Variants in NRCAM observed in about 807,000 individuals in gnomAD.
NRCAM encodes the protein NgCAM-related cell adhesion molecule.
NRCAM carries 83 observed loss-of-function variants against 156.5 expected under a neutral mutation model. The ratio of observed to expected loss-of-function variants is 0.53; its 90% CI spans 0.44 to 0.64. NRCAM has a LOEUF of 0.64. Among genes scored for constraint, NRCAM ranks in the 30% least tolerant of loss-of-function variants. The pLI is 0.00. For synonymous variants in NRCAM, 538 were observed against 563.9 expected (o/e 0.95, Z 0.65); for missense variants, 1,417 against 1,597.3 (o/e 0.89, Z 1.92).
chr7:108,278,136 T>C (rs755451981), intron 3 of NRCAM, among the ~76,000 whole-genome samples: 4 of 152,128 alleles, frequency 2.6e-5, no homozygotes, highest in Non-Finnish European at 5.9e-5. Flanking sequence ...CACCCACCTG[T>C]ATGAGGTGTT....
intron 2 of NRCAM, among the ~76,000 whole-genome samples, chr7:108,398,407 C>T (rs1244549608): frequency 6.6e-6 from 1 of 152,164 alleles, no homozygotes; most frequent in Non-Finnish European, 1.5e-5. Context: ...CATATAATTA[C>T]AAAATGCATC....
chr7:108,351,133 G>A (rs1316119305), intron 2 of NRCAM, among the ~76,000 whole-genome samples: 1 of 152,156 alleles, frequency 6.6e-6, no homozygotes, highest in East Asian at 1.9e-4. Flanking sequence ...CTAATTATGT[G>A]ACTAGATTAG....
intron 8 of NRCAM, among the ~76,000 whole-genome samples, chr7:108,228,393 C>T (rs2093812396): frequency 6.6e-6 from 1 of 151,648 alleles, no homozygotes; most frequent in East Asian, 1.9e-4. Flanking sequence ...AAAAACATTT[C>T]TTGTCCTCTG....
At position 108,183,547 on chromosome 7, in the gene NRCAM, TC is replaced by T. The variant is rs200866865; in HGVS notation, c.2305-628del. On this transcript the variant is annotated intron_variant, in intron 22 of 32. Coordinates refer to ENST00000379028, the MANE Select transcript of NRCAM (RefSeq NM_001037132.4). ...TGTCTTCCAGGTGGCTCTTTTTTTT[TC>T]TTTTTGGAGATGGAATCTTGCTCTG... Among the ~76,000 whole-genome samples, 285 of 148,844 alleles carry T rather than the reference TC, an allele frequency of 1.9e-3. 3 individuals are homozygous for T. Among genetic ancestry groups the T allele is most frequent in the Admixed American group, 2.4e-3 (36 of 14,860 alleles).
At chr7:108,164,274 C>T (rs914427567) in intron 30 of NRCAM, among the ~76,000 whole-genome samples, 2 of 151,402 alleles carry the variant, frequency 1.3e-5, no homozygotes, top group African/African-American at 4.9e-5. Context: ...GGGGAAGAAG[C>T]GCAGCATCAG....
In NRCAM at chr7:108,149,690, A is replaced by G; in HGVS notation, c.*220T>C. The G allele has an allele frequency of 1.8e-6, 1 of 554,536 alleles. No individual in the cohort carries two copies. The highest frequency in any genetic ancestry group is 2.9e-5 in the East Asian group (1 of 34,032). 34.4% of individuals were successfully genotyped at this position (554,536 alleles called of 1,614,324 possible). On this transcript the variant is annotated 3_prime_UTR_variant, in exon 33 of 33. Transcript: ENST00000379028. Reference sequence around the variant, plus strand: ...TTTTTTATCAGTTCTGAGGAAATCAAGAATACCCATTTTGAATGAAAAAGT... The same window carrying G: ...TTTTTTATCAGTTCTGAGGAAATCAGGAATACCCATTTTGAATGAAAAAGT...
At chr7:108,151,783 G>C (rs902095377) in intron 32 of NRCAM, among the ~76,000 whole-genome samples, 4 of 152,124 alleles carry the variant, frequency 2.6e-5, no homozygotes, top group Admixed American at 1.3e-4. Flanking sequence ...AATCCTTCTT[G>C]TGAAATATAG....
intron 2 of NRCAM, among the ~76,000 whole-genome samples, chr7:108,383,270 C>T (rs1325793012): frequency 6.6e-6 from 1 of 152,200 alleles, no homozygotes; most frequent in Non-Finnish European, 1.5e-5. Context: ...GAGTTATTTT[C>T]ACTTCAGATT....
At chr7:108,281,293 C>G (rs1554451902) in intron 3 of NRCAM, among the ~76,000 whole-genome samples, 3 of 151,998 alleles carry the variant, frequency 2.0e-5, no homozygotes, top group Non-Finnish European at 4.4e-5. Context: ...AATGCCTTTA[C>G]TTTTATTTTA....
intron 3 of NRCAM, among the ~76,000 whole-genome samples, chr7:108,247,609 A>G (rs945962076): frequency 7.0e-6 from 1 of 142,110 alleles, no homozygotes; most frequent in East Asian, 2.1e-4. Flanking sequence ...TGTTTATGCT[A>G]AATTATTTTA....
At chr7:108,326,003 C>T (rs1038305875) in intron 2 of NRCAM, among the ~76,000 whole-genome samples, 1 of 152,062 alleles carries the variant, frequency 6.6e-6, no homozygotes, top group African/African-American at 2.4e-5. Context: ...ACTAGTCAAT[C>T]TTTAAATCTT....
chr7:108,298,516 G>A (rs2098501101), intron 3 of NRCAM, among the ~76,000 whole-genome samples: 1 of 151,996 alleles, frequency 6.6e-6, no homozygotes, highest in Admixed American at 6.6e-5. Context: ...AGCCGGGTGT[G>A]GTGCTGGACG....
At chr7:108,179,423 T>C (rs1480942291) in intron 25 of NRCAM, among the ~76,000 whole-genome samples, 2 of 152,248 alleles carry the variant, frequency 1.3e-5, no homozygotes, top group African/African-American at 4.8e-5. Context: ...TTCTGTGAAC[T>C]TCTTTTATCA....
chr7:108,160,856 A>G (rs1285083490), intron 30 of NRCAM, among the ~76,000 whole-genome samples: 1 of 152,204 alleles, frequency 6.6e-6, no homozygotes, highest in East Asian at 1.9e-4. Flanking sequence ...TAATGAGAAA[A>G]ATACAAAACT....
chr7:108,304,417 G>C (rs1052627066), intron 3 of NRCAM, among the ~76,000 whole-genome samples: 1 of 149,124 alleles, frequency 6.7e-6, no homozygotes, highest in Admixed American at 6.7e-5. Flanking sequence ...ACATATGTGT[G>C]TATATGAACA....
intron 1 of NRCAM, among the ~76,000 whole-genome samples, chr7:108,429,192 C>CT (rs984584682): frequency 4.0e-5 from 6 of 151,150 alleles, no homozygotes; most frequent in East Asian, 1.9e-4. Flanking sequence ...CTGGGTGTTT[C>CT]TTTTTTTTTC....
chr7:108,168,481 T>C, intron 28 of NRCAM, 79 bp from the exon 29 acceptor site: 2 of 1,222,814 alleles, frequency 1.6e-6, no homozygotes, highest in Non-Finnish European at 2.1e-6. Context: ...GTTTAAATAC[T>C]CTGAAATTGT....
chr7:108,399,337 A>G (rs535849202), intron 2 of NRCAM, 99 bp downstream of exon 2: 1 of 152,290 alleles, frequency 6.6e-6, no homozygotes, highest in South Asian at 2.1e-4. Context: ...ATTTTCAATA[A>G]CCTGTTTCCC....
chr7:108,178,055 A>G lies in NRCAM; in HGVS notation c.2909T>C (p.Leu970Ser). ...CGGGTGGCTCGGTGGATCCCATTCC[A>G]AAGTGAGAGAGTCCAGTGTTGGATT... ...IVNPTLDSLT[L>S]EWDPPSHPNG... Residue 970 changes from leucine to serine, a missense_variant, in exon 26 of 33, where the codon TTG becomes TCG. By Grantham distance (145) the Leu-to-Ser change is moderately radical. This residue lies in a region of NRCAM where 1,238 missense variants were observed against 1,336.4 expected (regional missense o/e 0.93). Transcript: ENST00000379028. 6.2e-7 allele frequency: 1 copy of G among 1,613,866 alleles called. No individual in the cohort carries two copies.
Sources: allele counts gnomAD v4.1 joint callset (sites outside exome capture counted in the v4.1 genomes callset), GRCh38; gene constraint gnomAD v4.1.1; regional missense constraint gnomAD v4.1.1; transcripts MANE v1.5; gene names NCBI Gene and HGNC (gene_info 2026-07-23, HGNC 2026-07-21).